Variants in UBE2D3 observed in about 807,000 individuals in gnomAD.
UBE2D3 encodes ubiquitin conjugating enzyme E2 D3.
In UBE2D3, 2 loss-of-function variants were observed where a neutral mutation model predicts 22.8. The ratio of observed to expected loss-of-function variants is 0.09; its 90% CI spans 0.04 to 0.28. The LOEUF is 0.28. UBE2D3 is among the 10% of genes least tolerant of loss of function. The pLI, the probability that UBE2D3 is intolerant of heterozygous loss-of-function variation, is 1.00. For synonymous variants in UBE2D3, 56 were observed against 60.4 expected, an observed-to-expected ratio of 0.93 and a Z score of 0.34; for missense variants, 27 against 182.5, an observed-to-expected ratio of 0.15 and a Z score of 4.91.
At chr4:102,827,383 G>C (rs1484463660) in intron 1 of UBE2D3, 44 bp downstream of exon 1, 21 of 986,000 alleles carry the variant, frequency 2.1e-5, no homozygotes, top group Non-Finnish European at 2.3e-5. Flanking sequence ...CGGCCACTGG[G>C]CCGGCCTCCC....
At chr4:102,849,914 T>A (rs941898266) in intron 1 of UBE2D3, among the ~76,000 whole-genome samples, 1 of 152,068 alleles carries the variant, frequency 6.6e-6, no homozygotes, top group Non-Finnish European at 1.5e-5. Context: ...TGAAAATACA[T>A]CAATGACTAA....
At chr4:102,819,406 T>A (rs1003886173) in intron 2 of UBE2D3, among the ~76,000 whole-genome samples, 2 of 152,162 alleles carry the variant, frequency 1.3e-5, no homozygotes, top group Admixed American at 6.6e-5. Context: ...TCACAAATAT[T>A]TATGAATATT....
At chr4:102,813,697 C>T (rs1252254649) in intron 2 of UBE2D3, among the ~76,000 whole-genome samples, 1 of 152,162 alleles carries the variant, frequency 6.6e-6, no homozygotes, top group Admixed American at 6.5e-5. Flanking sequence ...GGAGTTAACA[C>T]TGGACTAATT....
At chr4:102,863,623 A>G (rs1174329837) in intron 1 of UBE2D3, among the ~76,000 whole-genome samples, 1 of 152,026 alleles carries the variant, frequency 6.6e-6, no homozygotes, top group East Asian at 1.9e-4. Flanking sequence ...CCACCTGAGT[A>G]GCTGGGGTTA....
chr4:102,827,759 TG>T, upstream of UBE2D3: 1 of 984,988 alleles, frequency 1.0e-6, no homozygotes. Flanking sequence ...GATCGGAGAT[TG>T]GACCAGGAGG....
intron 6 of UBE2D3, among the ~76,000 whole-genome samples, chr4:102,800,669 G>A (rs577468895): frequency 7.2e-5 from 11 of 152,124 alleles, no homozygotes; most frequent in East Asian, 5.8e-4. Flanking sequence ...TCTCCCTTAA[G>A]TGATTCTACT....
At position 102,799,837 on chromosome 4, in the gene UBE2D3, G is replaced by A. The variant is rs895739588; in HGVS notation, c.305-337C>T. 2.7e-5 allele frequency among the ~76,000 whole-genome samples: 4 copies of A among 146,744 alleles called. No individual in the cohort carries two copies. In the South Asian group the frequency reaches 9.1e-4, roughly 33 times the overall value. On this transcript the variant is annotated intron_variant, in intron 6 of 7. Coordinates refer to ENST00000453744, the MANE Select transcript of UBE2D3 (RefSeq NM_181891.3). Reference sequence around the variant, plus strand: ...GTTTCTTGGTACTCAGTGGCTGGGGGGGGGGGGACTTTAGCAAGAATATGC... The same window carrying A: ...GTTTCTTGGTACTCAGTGGCTGGGGAGGGGGGGACTTTAGCAAGAATATGC...
intron 2 of UBE2D3, among the ~76,000 whole-genome samples, chr4:102,815,528 G>C (rs541079889): frequency 1.3e-5 from 2 of 152,034 alleles, no homozygotes; most frequent in Admixed American, 6.5e-5. Flanking sequence ...CAATTACAAA[G>C]AAAGTAAGAA....
intron 1 of UBE2D3, among the ~76,000 whole-genome samples, chr4:102,834,835 G>A (rs1468195532): frequency 6.6e-6 from 1 of 151,638 alleles, no homozygotes; most frequent in Non-Finnish European, 1.5e-5. Context: ...TTGGAGTGCA[G>A]TGGCACCATC....
intron 2 of UBE2D3, among the ~76,000 whole-genome samples, chr4:102,825,019 CCAAAA>C (rs373290962): frequency 6.6e-5 from 10 of 152,052 alleles, no homozygotes; most frequent in African/African-American, 2.2e-4. Flanking sequence ...TTATGAAGGC[CCAAAA>C]CAAAATTCAC....
At chr4:102,844,614 C>A (rs1168167869) in intron 1 of UBE2D3, among the ~76,000 whole-genome samples, 2 of 152,294 alleles carry the variant, frequency 1.3e-5, no homozygotes, top group East Asian at 3.9e-4. Flanking sequence ...TAGCCACAGC[C>A]AGGCCAAGAT....
chr4:102,853,135 A>ATTTTTT (rs151339235), intron 1 of UBE2D3, among the ~76,000 whole-genome samples: 17 of 88,606 alleles, frequency 1.9e-4, no homozygotes, highest in Admixed American at 2.9e-4. Context: ...AAACACACAC[A>ATTTTTT]TTTTTTTTTT....
intron 1 of UBE2D3, among the ~76,000 whole-genome samples, chr4:102,857,861 T>G (rs1033194335): frequency 2.0e-5 from 3 of 151,834 alleles, no homozygotes; most frequent in Non-Finnish European, 4.4e-5. Flanking sequence ...GCCTGGCTAA[T>G]TTTTTTGTAT....
chr4:102,805,765 A>C (rs1726927472), intron 4 of UBE2D3, among the ~76,000 whole-genome samples: 2 of 152,196 alleles, frequency 1.3e-5, no homozygotes, highest in South Asian at 4.1e-4. Flanking sequence ...CATATATTCA[A>C]ATGCCTACTG....
chr4:102,819,572 C>T (rs1336658014), intron 2 of UBE2D3: 3 of 985,218 alleles, frequency 3.0e-6, no homozygotes, highest in Middle Eastern at 5.2e-4. Context: ...TAAGTGTCAA[C>T]CCTATTAAAG....
upstream of UBE2D3, among the ~76,000 whole-genome samples, chr4:102,828,824 C>G (rs1730939700): frequency 6.6e-6 from 1 of 152,132 alleles, no homozygotes; most frequent in South Asian, 2.1e-4. Context: ...GTTATGCTCT[C>G]TAGTGTATCC....
intron 1 of UBE2D3, among the ~76,000 whole-genome samples, chr4:102,846,705 T>C (rs1040503372): frequency 6.6e-6 from 1 of 152,132 alleles, no homozygotes; most frequent in African/African-American, 2.4e-5. Flanking sequence ...AGTGGTGTGA[T>C]CATGGCTCAT....
chr4:102,829,277 C>CTTA (rs1000025929), upstream of UBE2D3, among the ~76,000 whole-genome samples: 1 of 152,188 alleles, frequency 6.6e-6, no homozygotes, highest in African/African-American at 2.4e-5. Context: ...CACTGAAGTG[C>CTTA]TTACCTCATG....
intron 2 of UBE2D3, among the ~76,000 whole-genome samples, chr4:102,818,869 T>C (rs1264762984): frequency 2.0e-5 from 3 of 152,180 alleles, no homozygotes; most frequent in Admixed American, 1.3e-4. Flanking sequence ...ATTTAACAGT[T>C]GATTGTTGGA....
Sources: allele counts gnomAD v4.1 joint callset (sites outside exome capture counted in the v4.1 genomes callset), GRCh38; gene constraint gnomAD v4.1.1; transcripts MANE v1.5; gene names NCBI Gene and HGNC (gene_info 2026-07-23, HGNC 2026-07-21).